BAHCC1: variants seen among roughly 807,000 people sequenced by gnomAD.
BAHCC1 encodes BAH and coiled-coil domain-containing protein 1.
Under a neutral mutation model 88.2 loss-of-function variants are expected in BAHCC1, and 43 were observed. The ratio of observed to expected loss-of-function variants is 0.49; its 90% CI spans 0.38 to 0.63. The LOEUF is 0.63. Ranked by LOEUF, BAHCC1 falls within the 20% of genes least tolerant of loss-of-function variation. BAHCC1 has a pLI of 0.00. For missense variants in BAHCC1, 3,023 were observed against 1,654.8 expected, an observed-to-expected ratio of 1.83 and a Z score of -14.34; for synonymous variants, 1,510 against 745.5, an observed-to-expected ratio of 2.03 and a Z score of -16.71.
At position 81,444,447 on chromosome 17, in the gene BAHCC1, C is replaced by A. The variant is rs782210139; in HGVS notation, c.2391C>A (p.Ala797=). ...CGAGCAGCTGCCCTGGGGACCTGGC[C>A]CCCCACCTCATGATGCAGAGCGGCC... The part of the protein sequence containing the change: ...HPPSSCPGDL[A]PHLMMQSGQL... Residue 797 remains alanine (A), a synonymous_variant, in exon 7 of 28, where the codon GCC becomes GCA. Transcript: ENST00000675386. 5.4e-6 allele frequency: 4 copies of A among 742,208 alleles called. No individual in the cohort carries two copies. In the South Asian group the frequency reaches 5.8e-5, roughly 11 times the overall value. 46.0% of individuals were successfully genotyped at this position (742,208 alleles called of 1,614,324 possible). A position where few individuals can be genotyped will look rare whatever the true frequency, so the allele number is the denominator to read the frequency against.
At chr17:81,459,727 G>A (rs2030074041) in intron 23 of BAHCC1, 123 bp downstream of exon 23, 3 of 445,888 alleles carry the variant, frequency 6.7e-6, no homozygotes, top group Non-Finnish European at 1.3e-5. Flanking sequence ...CTTAGACAGA[G>A]TACGACAATA....
chr17:81,458,568 C>A, intron 18 of BAHCC1, 53 bp from the exon 19 acceptor site: 1 of 692,430 alleles, frequency 1.4e-6, no homozygotes, highest in South Asian at 1.5e-5. Context: ...TCTGGGTCAA[C>A]CTGAGGCTGT....
chr17:81,413,767 TG>T (rs2063985373), intron 2 of BAHCC1, among the ~76,000 whole-genome samples: 1 of 152,202 alleles, frequency 6.6e-6, no homozygotes, highest in South Asian at 2.1e-4. Flanking sequence ...TGGCCTGTCA[TG>T]GGCACTCAGC....
intron 13 of BAHCC1, among the ~76,000 whole-genome samples, chr17:81,452,407 G>C (rs1014767059): frequency 6.6e-6 from 1 of 152,020 alleles, no homozygotes; most frequent in African/African-American, 2.4e-5. Context: ...AGTGGCAGAA[G>C]GGGGAGTAGG....
At chr17:81,462,592 G>A in intron 26 of BAHCC1, 148 bp from the exon 27 acceptor site, 1 of 598,922 alleles carries the variant, frequency 1.7e-6, no homozygotes, top group Non-Finnish European at 3.0e-6. Context: ...AAGCCGCGGT[G>A]CTGCGGCTTC....
At chr17:81,400,339 C>G (rs1038804415) in intron 2 of BAHCC1, among the ~76,000 whole-genome samples, 5 of 152,170 alleles carry the variant, frequency 3.3e-5, no homozygotes, top group South Asian at 4.1e-4. Context: ...GGGAGGGGAC[C>G]AGGGTACGCC....
At chr17:81,407,116 A>C (rs1333066699) in intron 2 of BAHCC1, among the ~76,000 whole-genome samples, 2 of 152,184 alleles carry the variant, frequency 1.3e-5, no homozygotes, top group African/African-American at 4.8e-5. Flanking sequence ...TGGGAGACCC[A>C]CTGTCACTTG....
chr17:81,419,789 GT>G (rs1212230338), intron 2 of BAHCC1, among the ~76,000 whole-genome samples: 4 of 144,698 alleles, frequency 2.8e-5, no homozygotes, highest in East Asian at 2.1e-4. Flanking sequence ...TCAACGAGGC[GT>G]TTTTTTTTTT....
chr17:81,407,041 G>T, intron 2 of BAHCC1: 1 of 454,726 alleles, frequency 2.2e-6, no homozygotes, highest in Admixed American at 2.4e-5. Context: ...CCAAGAAAAA[G>T]TCCAGTGTCT....
chr17:81,452,237 C>G (rs2064652693), intron 13 of BAHCC1, 130 bp downstream of exon 13: 2 of 496,136 alleles, frequency 4.0e-6, no homozygotes, highest in African/African-American at 4.1e-5. Context: ...GGGCAGACAC[C>G]AGGGTCCATC....
rs1381118226 is a variant in BAHCC1 at position 81,461,968 on chromosome 17, C to A, written c.7305C>A (p.Pro2435=). 1 of 774,434 alleles carries A rather than the reference C, an allele frequency of 1.3e-6. No homozygotes were observed. The highest frequency in any genetic ancestry group is 1.7e-5 in the African/African-American group (1 of 59,050). 48.0% of individuals were successfully genotyped at this position (774,434 alleles called of 1,614,324 possible). ...AKELSRRQRP[P]SVENRPKISA... ...AGCTCTCCCGGAGGCAGCGGCCGCCCTCCGTGGAAAACCGGCCAAAGATCT... is the reference window on the plus strand; with the variant it reads ...AGCTCTCCCGGAGGCAGCGGCCGCCATCCGTGGAAAACCGGCCAAAGATCT... Residue 2435 remains proline, a synonymous_variant, in exon 26 of 28, where the codon CCC becomes CCA. Coordinates refer to ENST00000675386, the MANE Select transcript of BAHCC1 (RefSeq NM_001377448.1).
At position 81,445,561 on chromosome 17, in the gene BAHCC1, C is replaced by T. The variant is rs781993886; in HGVS notation, c.3043C>T (p.Pro1015Ser). ...SPTPPPRPSA[P>S]CTLNVCPASS... ...CACCCCACCACCTCGGCCCAGCGCC[C>T]CGTGCACTTTAAATGTCTGCCCTGC... The change falls in exon 10 of 28, where the codon CCG becomes TCG. Residue 1015 changes from proline (P) to serine (S), a missense_variant. Pro to Ser is a moderately conservative substitution (Grantham distance 74). Transcript: ENST00000675386. 1.1e-5 allele frequency: 8 copies of T among 723,996 alleles called. No homozygotes were observed. 44.8% of individuals were successfully genotyped at this position (723,996 alleles called of 1,614,324 possible).
chr17:81,449,009 G>A (rs910173935), intron 11 of BAHCC1, among the ~76,000 whole-genome samples: 3 of 152,200 alleles, frequency 2.0e-5, no homozygotes, highest in Admixed American at 2.0e-4. Context: ...CCCTCACCTG[G>A]CAGCATGAGG....
At position 81,443,106 on chromosome 17, in the gene BAHCC1, T is replaced by C. The variant is rs781938730; in HGVS notation, c.1757T>C (p.Val586Ala). 1 of 778,070 alleles carries C rather than the reference T, an allele frequency of 1.3e-6. No homozygotes were observed. Among genetic ancestry groups the C allele is most frequent in the Non-Finnish European group, 2.4e-6 (1 of 417,376 alleles). The allele number at this position is 778,070 out of a possible 1,614,324, so 48.2% of individuals were successfully genotyped here. Reference protein sequence around the residue: ...YSGPHLPPWGVQAGQGTAMAI... With the variant: ...YSGPHLPPWGAQAGQGTAMAI... ...GGGCCCCACCTGCCCCCATGGGGTG[T>C]CCAGGCAGGCCAGGGCACCGCCATG... The change falls in exon 5 of 28, where the codon GTC becomes GCC. Residue 586 changes from valine (V) to alanine (A), a missense_variant. Val to Ala is a moderately conservative substitution (Grantham distance 64). Coordinates refer to ENST00000675386, the MANE Select transcript of BAHCC1 (RefSeq NM_001377448.1).
chr17:81,461,768 C>G lies in BAHCC1; in HGVS notation c.7105C>G (p.Leu2369Val). The change falls in exon 26 of 28, where the codon CTC becomes GTC. Residue 2369 changes from leucine to valine, a missense_variant. Coordinates refer to ENST00000675386, the MANE Select transcript of BAHCC1 (RefSeq NM_001377448.1). ...QTCLTHPVPT[L>V]LAQPEALRSK... is the part of the protein sequence containing the mutation. Reference sequence around the variant, plus strand: ...CTGCCTCACCCACCCCGTGCCCACCCTCCTGGCCCAGCCCGAGGCCCTGCG... The same window carrying G: ...CTGCCTCACCCACCCCGTGCCCACCGTCCTGGCCCAGCCCGAGGCCCTGCG... 1.4e-6 allele frequency: 1 copy of G among 716,982 alleles called. No homozygotes were observed. Among genetic ancestry groups the G allele is most frequent in the South Asian group, 1.5e-5 (1 of 67,334 alleles). The allele number at this position is 716,982 out of a possible 1,614,324, so 44.4% of individuals were successfully genotyped here.
At chr17:81,404,543 C>T (rs1288644020) in intron 2 of BAHCC1, among the ~76,000 whole-genome samples, 1 of 152,200 alleles carries the variant, frequency 6.6e-6, no homozygotes, top group African/African-American at 2.4e-5. Flanking sequence ...GCAGATTACC[C>T]AGGAGGCTGG....
chr17:81,427,980 C>G (rs2064220220), intron 3 of BAHCC1, among the ~76,000 whole-genome samples: 1 of 152,250 alleles, frequency 6.6e-6, no homozygotes, highest in South Asian at 2.1e-4. Context: ...CCAAACAGAA[C>G]AGGTGACGAG....
At chr17:81,445,754 G>C in intron 10 of BAHCC1, 73 bp downstream of exon 10, 1 of 674,444 alleles carries the variant, frequency 1.5e-6, no homozygotes, top group Admixed American at 2.2e-5. Flanking sequence ...GCAGGGCTGC[G>C]CTGAATCCGG....
rs2064443746 is a variant in BAHCC1 at position 81,442,652 on chromosome 17, G to A, written c.1303G>A (p.Ala435Thr). Residue 435 changes from alanine to threonine, a missense_variant, in exon 5 of 28, where the codon GCA (alanine) becomes ACA (threonine). Ala to Thr is a moderately conservative substitution (Grantham distance 58). Coordinates refer to ENST00000675386, the MANE Select transcript of BAHCC1 (RefSeq NM_001377448.1). ...GGGAACCATGGCCCCCGACCACGCT[G>A]CACCCTATGGAGTCTCCTATGCCCA... ...LEGTMAPDHAAPYGVSYAHLK... is the reference protein window; with the variant it reads ...LEGTMAPDHATPYGVSYAHLK... 1.3e-6 allele frequency: 1 copy of A among 775,596 alleles called. No homozygotes were observed. Among genetic ancestry groups the A allele is most frequent in the Non-Finnish European group, 2.4e-6 (1 of 416,138 alleles). 48.0% of individuals were successfully genotyped at this position (775,596 alleles called of 1,614,324 possible).
Sources: gnomAD v4.1 joint callset for allele counts (sites outside exome capture counted in the v4.1 genomes callset) on GRCh38, gnomAD v4.1.1 for gene constraint, MANE v1.5 for transcripts, NCBI Gene and HGNC (gene_info 2026-07-23, HGNC 2026-07-21) for gene names.